Variants in MGST1 observed in about 807,000 individuals in gnomAD.
MGST1 encodes the protein microsomal glutathione S-transferase 1.
MGST1 carries 5 observed loss-of-function variants against 8.9 expected under a neutral mutation model. That is an observed-to-expected ratio of 0.56 (90% confidence interval 0.29 to 1.19). MGST1 has a LOEUF of 1.19. MGST1 is among the 50% of genes most tolerant of loss of function. MGST1 has a pLI of 0.08. For synonymous variants in MGST1, 54 were observed against 67.8 expected (o/e 0.80, Z 1.00); for missense variants, 182 against 187.4 (o/e 0.97, Z 0.17).
intron 4 of MGST1, among the ~76,000 whole-genome samples, chr12:16,536,980 C>A (rs1941760298): frequency 6.6e-6 from 1 of 152,154 alleles, no homozygotes; most frequent in South Asian, 2.1e-4. Context: ...AACAGTCCCC[C>A]AAAGGCTGAA....
Position 16,547,655 on chromosome 12 carries a change from T to C in MGST1, n.483-41873T>C, listed in dbSNP as rs1941842566. 6.6e-6 allele frequency among the ~76,000 whole-genome samples: 1 copy of C among 152,162 alleles called. No homozygotes were observed. Among genetic ancestry groups the C allele is most frequent in the Admixed American group, 6.5e-5 (1 of 15,274 alleles). On this transcript the variant is annotated intron_variant and non_coding_transcript_variant, in intron 4 of 4. Transcript: ENST00000538857. The surrounding 1 kb of genome is among the most constrained non-coding windows in gnomAD (Gnocchi z 4.6). ...AATAAATGTCAATTAAACTAATGACTATTAAATCTCTGCTTTCTATTACCT... is the reference window on the plus strand; with the variant it reads ...AATAAATGTCAATTAAACTAATGACCATTAAATCTCTGCTTTCTATTACCT...
Position 16,482,938 on chromosome 12 carries a change from G to C in MGST1, n.482+99334G>C, listed in dbSNP as rs916658962. Among the ~76,000 whole-genome samples, 1 of 152,180 alleles carries C rather than the reference G, an allele frequency of 6.6e-6. No homozygotes were observed. Among genetic ancestry groups the C allele is most frequent in the African/African-American group, 2.4e-5 (1 of 41,436 alleles). ...ACGTGCTCTGGCTCAAATAATTCAT[G>C]AGTCCTCCAAGTAAGACTAATGTAG... On this transcript the variant is annotated intron_variant and non_coding_transcript_variant, in intron 4 of 4. Transcript: ENST00000538857. The surrounding 1 kb of genome is among the most constrained non-coding windows in gnomAD (Gnocchi z 4.2).
At chr12:16,557,367 ATTTTTT>A (rs68115649) in intron 4 of MGST1, among the ~76,000 whole-genome samples, 1 of 142,724 alleles carries the variant, frequency 7.0e-6, no homozygotes, top group Admixed American at 7.0e-5. Flanking sequence ...GGTGGCAAGG[ATTTTTT>A]TTTTTTTTTT....
At chr12:16,372,893 G>T (rs1386028263) in intron 3 of MGST1, among the ~76,000 whole-genome samples, 3 of 136,282 alleles carry the variant, frequency 2.2e-5, no homozygotes, top group South Asian at 2.3e-4. Context: ...ATATTATGTA[G>T]TATATTATAT....
In MGST1 at chr12:16,353,757, CTT is replaced by C. The variant is rs11387725; in HGVS notation, c.-22-455_-22-454del. 2.7e-3 allele frequency among the ~76,000 whole-genome samples: 305 copies of C among 111,450 alleles called. 5 individuals carry two copies. The highest frequency in any genetic ancestry group is 0.01 in the African/African-American group (278 of 27,744). The allele number at this position is 111,450 out of a possible 152,430, so 73.1% of individuals were successfully genotyped here. On this transcript the variant is annotated intron_variant, in intron 1 of 3. Coordinates refer to ENST00000396210, the MANE Select transcript of MGST1 (RefSeq NM_020300.5). ...ACTAGATAAAATATAATATTGCATACTTTTTTTTTTTTTTTTTTTTGAGATAG... is the reference window on the plus strand; with the variant it reads ...ACTAGATAAAATATAATATTGCATACTTTTTTTTTTTTTTTTTTGAGATAG...
At chr12:16,453,549 A>G (rs1941147010) in intron 4 of MGST1, among the ~76,000 whole-genome samples, 1 of 151,990 alleles carries the variant, frequency 6.6e-6, no homozygotes, top group Non-Finnish European at 1.5e-5. Flanking sequence ...AAGGTATATC[A>G]GTTTCTTAGG....
intron 4 of MGST1, among the ~76,000 whole-genome samples, chr12:16,515,221 A>C (rs1177382309): frequency 6.6e-6 from 1 of 152,214 alleles, no homozygotes; most frequent in Non-Finnish European, 1.5e-5. Context: ...TGTCATATTT[A>C]AGAAAAAGAG....
At position 16,445,143 on chromosome 12, in the gene MGST1, C is replaced by A. The variant is rs80003401; in HGVS notation, n.482+61539C>A. On this transcript the variant is annotated intron_variant and non_coding_transcript_variant, in intron 4 of 4. Transcript: ENST00000538857. The stretch of plus-strand genomic sequence containing the variant: ...GCCCTTTTCTGCTCTAGGCCCCATC[C>A]GAGATCAGCTCACTAAGTCACATAC... Among the ~76,000 whole-genome samples the A allele has an allele frequency of 4.2e-3, 638 of 151,706 alleles. 7 individuals carry two copies. The highest frequency in any genetic ancestry group is 0.015 in the African/African-American group (616 of 41,406).
chr12:16,411,357 T>C (rs779895613), intron 1 of MGST1, among the ~76,000 whole-genome samples: 1 of 152,184 alleles, frequency 6.6e-6, no homozygotes, highest in Non-Finnish European at 1.5e-5. Context: ...ATCTTGTACG[T>C]TATATGGTGA....
chr12:16,501,996 G>A (rs1200789895), intron 4 of MGST1, among the ~76,000 whole-genome samples: 1 of 152,088 alleles, frequency 6.6e-6, no homozygotes, highest in East Asian at 1.9e-4. Context: ...TTAAACAGAA[G>A]TGAATTAAAT....
At chr12:16,501,164 T>A (rs1411280504) in intron 4 of MGST1, among the ~76,000 whole-genome samples, 2 of 151,328 alleles carry the variant, frequency 1.3e-5, no homozygotes, top group African/African-American at 4.9e-5. Context: ...CAGATATACA[T>A]TATGCATTTT....
chr12:16,356,228 A>T (rs1487146217), intron 2 of MGST1, among the ~76,000 whole-genome samples: 1 of 152,358 alleles, frequency 6.6e-6, no homozygotes, highest in East Asian at 1.9e-4. Flanking sequence ...ATCCAAGGTT[A>T]CATACAAATA....
chr12:16,534,078 A>T (rs954407579), intron 4 of MGST1, among the ~76,000 whole-genome samples: 5 of 152,154 alleles, frequency 3.3e-5, no homozygotes, highest in Non-Finnish European at 7.4e-5. Context: ...ATGTGGAAAA[A>T]CTATAGAATC....
In MGST1 at chr12:16,401,246, T is replaced by C; in HGVS notation, n.778+17642T>C. 6.4e-7 allele frequency: 1 copy of C among 1,568,294 alleles called. No individual in the cohort carries two copies. ...AGGGCATAGGTTTTCTCTTCTGGCTTTTTCCCCTCCTTGTTAGTCAGGTCT... is the reference window on the plus strand; with the variant it reads ...AGGGCATAGGTTTTCTCTTCTGGCTCTTTCCCCTCCTTGTTAGTCAGGTCT... On this transcript the variant is annotated intron_variant and non_coding_transcript_variant, in intron 1 of 1. Coordinates refer to the MGST1 transcript ENST00000359720. This position sits in a 1 kb window ranked among gnomAD's most constrained non-coding sequence, Gnocchi z 4.3.
intron 4 of MGST1, among the ~76,000 whole-genome samples, chr12:16,520,300 T>C (rs2058792): frequency 0.99 from 150,358 of 152,260 alleles, 74,278 homozygotes; most frequent in East Asian, 1. Context: ...TTATTTATGT[T>C]CAAAAAATCT....
Position 16,399,541 on chromosome 12 carries a change from C to T in MGST1, n.778+15937C>T, listed in dbSNP as rs1247991989. ...TCTTCTGCTTCTGATGAATAATCTTCATCACTGTCCTCCTCTTCCTCTTCA... is the reference window on the plus strand; with the variant it reads ...TCTTCTGCTTCTGATGAATAATCTTTATCACTGTCCTCCTCTTCCTCTTCA... On this transcript the variant is annotated intron_variant and non_coding_transcript_variant, in intron 1 of 1. Coordinates refer to the MGST1 transcript ENST00000359720. The T allele has an allele frequency of 3.8e-5, 60 of 1,564,928 alleles. No individual in the cohort carries two copies. The South Asian group carries it at 5.1e-4, about 13-fold the overall frequency.
At position 16,376,010 on chromosome 12, in the gene MGST1, A is replaced by G. The variant is rs566340207; in HGVS notation, c.222-112A>G. 1.8e-5 allele frequency: 12 copies of G among 652,598 alleles called. No homozygotes were observed. In the Admixed American group the frequency reaches 2.0e-4, roughly 11 times the overall value. 40.4% of individuals were successfully genotyped at this position (652,598 alleles called of 1,614,324 possible). ...ATACACACACAACACCCACACACCT[A>G]TATGTACACACACAGATTTTATACA... On this transcript the variant is annotated intron_variant, in intron 3 of 3. Transcript: ENST00000535309.
chr12:16,551,009 C>T (rs1330477398), intron 4 of MGST1: 7 of 478,198 alleles, frequency 1.5e-5, no homozygotes, highest in Non-Finnish European at 2.2e-5. Context: ...GCCATATGTA[C>T]ATTACTTTTT....
chr12:16,436,726 T>C (rs1591727688), intron 1 of MGST1, among the ~76,000 whole-genome samples: 1 of 152,028 alleles, frequency 6.6e-6, no homozygotes. Context: ...GCTATCATGA[T>C]GCCAATAGTG....
Sources: allele counts gnomAD v4.1 joint callset (sites outside exome capture counted in the v4.1 genomes callset), GRCh38; gene constraint gnomAD v4.1.1; non-coding constraint Gnocchi (gnomAD v3.1); transcripts MANE v1.5; gene names NCBI Gene and HGNC (gene_info 2026-07-23, HGNC 2026-07-21).